The following RIPOR3 variants were observed in gnomAD, a reference collection of about 807,000 sequenced individuals.
RIPOR3 encodes the protein RIPOR family member 3, also known as family with sequence similarity 65 member C.
Under a neutral mutation model 114.3 loss-of-function variants are expected in RIPOR3, and 95 were observed. The ratio of observed to expected loss-of-function variants is 0.83; its 90% CI spans 0.70 to 0.99. The LOEUF is 0.99. RIPOR3 is among the 50% of genes least tolerant of loss of function. The probability of loss-of-function intolerance (pLI) is 0.00; values close to 1 mark genes in which losing one functional copy is unlikely to be tolerated. For synonymous variants in RIPOR3, 575 were observed against 543.8 expected (o/e 1.06, Z -0.80); for missense variants, 1,252 against 1,266.9 (o/e 0.99, Z 0.18).
chr20:50,659,831 T>G (rs1463851016), intron 1 of RIPOR3: 1 of 152,026 alleles, frequency 6.6e-6, no homozygotes, highest in African/African-American at 2.4e-5. Flanking sequence ...CTGACCTGTT[T>G]GTGACCCCTT....
intron 3 of RIPOR3, among the ~76,000 whole-genome samples, chr20:50,619,025 A>G (rs953038320): frequency 8.5e-5 from 13 of 152,182 alleles, no homozygotes; most frequent in Non-Finnish European, 1.9e-4. Flanking sequence ...AGCCTGGCCA[A>G]CGTGGTGAAA....
chr20:50,678,663 A>G (rs1411071685), intron 1 of RIPOR3, among the ~76,000 whole-genome samples: 1 of 152,204 alleles, frequency 6.6e-6, no homozygotes, highest in Non-Finnish European at 1.5e-5. Context: ...TGGCACAACC[A>G]CATACGACTC....
At chr20:50,655,115 G>A (rs982787536) in intron 1 of RIPOR3, among the ~76,000 whole-genome samples, 9 of 152,212 alleles carry the variant, frequency 5.9e-5, no homozygotes, top group East Asian at 1.9e-4. Context: ...CGAAGCTCCC[G>A]CTTTTTGAGG....
At chr20:50,626,573 C>G (rs988911157) in intron 2 of RIPOR3, among the ~76,000 whole-genome samples, 1 of 152,230 alleles carries the variant, frequency 6.6e-6, no homozygotes, top group Non-Finnish European at 1.5e-5. Flanking sequence ...CTGGGCAGAG[C>G]TCCCCTCTAG....
At chr20:50,664,889 G>C (rs1212114167) in intron 1 of RIPOR3, among the ~76,000 whole-genome samples, 2 of 151,820 alleles carry the variant, frequency 1.3e-5, no homozygotes, top group Non-Finnish European at 2.9e-5. Context: ...ATCACCTGAG[G>C]TTAGGAGTTT....
chr20:50,611,192 C>G lies in RIPOR3; in HGVS notation c.361G>C (p.Asp121His). ...RRNSRLAFYY[D>H]LDKQTRCVER... ...GTATGCAGACTCACCTTGTCCAGGT[C>G]ATAATAGAAAGCCTGTGAGGGAGGA... Residue 121 changes from aspartate to histidine, a missense_variant, in exon 5 of 22, where the codon GAC becomes CAC. Coordinates refer to ENST00000327979, the MANE Select transcript of RIPOR3 (RefSeq NM_001290268.2). 6.2e-7 allele frequency: 1 copy of G among 1,614,178 alleles called. No individual in the cohort carries two copies. Among genetic ancestry groups the G allele is most frequent in the Non-Finnish European group, 8.5e-7 (1 of 1,180,036 alleles).
chr20:50,667,451 G>A (rs138654563), intron 1 of RIPOR3, among the ~76,000 whole-genome samples: 1,545 of 151,976 alleles, frequency 0.01, 22 homozygotes, highest in African/African-American at 0.036. Context: ...CCGCCACAAC[G>A]CCCAGCTAAT....
intron 21 of RIPOR3, 139 bp downstream of exon 21, chr20:50,587,663 C>T (rs903700104): frequency 2.6e-6 from 2 of 772,204 alleles, no homozygotes; most frequent in East Asian, 2.7e-5. Context: ...GAGGTCGGCT[C>T]TGTGCCAGGG....
In RIPOR3 at chr20:50,597,798, G is replaced by C; in HGVS notation, c.1660-88C>G. ...GGCCAGGGGCCTCACGGCAGACTTG[G>C]GCAATGTCCCGGTCCCAAGCCCCAA... On this transcript the variant is annotated intron_variant, in intron 13 of 21. Transcript: ENST00000327979. 8 of 1,515,714 alleles carry C rather than the reference G, an allele frequency of 5.3e-6. No individual in the cohort carries two copies. The South Asian group carries it at 8.7e-5, about 17-fold the overall frequency. The allele number at this position is 1,515,714 out of a possible 1,614,324, so 93.9% of individuals were successfully genotyped here. A position where few individuals can be genotyped will look rare whatever the true frequency, so the allele number is the denominator to read the frequency against.
intron 1 of RIPOR3, among the ~76,000 whole-genome samples, chr20:50,678,444 T>C (rs6012991): frequency 0.82 from 124,994 of 152,088 alleles, 52,088 homozygotes; most frequent in East Asian, 0.96. Context: ...CAGGCCAGAG[T>C]TGGCCACATG....
chr20:50,666,225 T>TTCTTTTCTTTTC (rs1204716975), intron 1 of RIPOR3, among the ~76,000 whole-genome samples: 83 of 137,284 alleles, frequency 6.0e-4, no homozygotes, highest in Middle Eastern at 3.6e-3. Context: ...TTCTTTTCTT[T>TTCTTTTCTTTTC]TTTGAGACGG....
intron 1 of RIPOR3, among the ~76,000 whole-genome samples, chr20:50,662,724 T>C (rs2086038664): frequency 4.2e-4 from 1 of 2,394 alleles, no homozygotes; most frequent in African/African-American, 4.7e-4. Context: ...CACCACTCTC[T>C]GGCTGGTGAC....
chr20:50,608,928 G>A lies in RIPOR3; in HGVS notation c.668C>T (p.Pro223Leu), dbSNP rs541414975. The A allele has an allele frequency of 1.1e-5, 18 of 1,591,124 alleles. No individual in the cohort carries two copies. The East Asian group carries it at 4.1e-4, about 36-fold the overall frequency. The change falls in exon 9 of 22, where the codon CCC becomes CTC. Residue 223 changes from proline (P) to leucine (L), a missense_variant. By Grantham distance (98) the Pro-to-Leu change is moderately conservative. Transcript: ENST00000327979. The part of the protein sequence containing the change: ...KGLVGYARLC[P>L]GDHYEVLMRL... ...TGGCCGTACCTCATAGTGGTCTCCG[G>A]GACAGAGGCGTGCGTAGCCCACCAA... is the stretch of plus-strand genomic sequence containing the variant.
chr20:50,636,272 G>A (rs996724872), intron 1 of RIPOR3, among the ~76,000 whole-genome samples: 7 of 152,270 alleles, frequency 4.6e-5, no homozygotes, highest in Admixed American at 3.3e-4. Flanking sequence ...GACCAAGGGT[G>A]ACATTCCTGA....
At chr20:50,626,048 C>T (rs2123211020) in intron 2 of RIPOR3, among the ~76,000 whole-genome samples, 1 of 152,238 alleles carries the variant, frequency 6.6e-6, no homozygotes, top group East Asian at 1.9e-4. Flanking sequence ...GAGCCCTGCC[C>T]TCCTGCCAGG....
chr20:50,596,059 A>G (rs964101492), intron 15 of RIPOR3, 81 bp downstream of exon 15: 8 of 1,583,966 alleles, frequency 5.1e-6, no homozygotes, highest in African/African-American at 1.3e-5. Context: ...CATGCTTCCC[A>G]CCACCTTCAA....
intron 4 of RIPOR3, among the ~76,000 whole-genome samples, chr20:50,611,635 G>A (rs1423720889): frequency 2.6e-5 from 4 of 152,184 alleles, no homozygotes; most frequent in South Asian, 4.1e-4. Flanking sequence ...GGATGGAAGC[G>A]GGAGGGGCAC....
At chr20:50,593,335 G>T in intron 17 of RIPOR3, 139 bp from the exon 18 acceptor site, 1 of 857,064 alleles carries the variant, frequency 1.2e-6, no homozygotes, top group Non-Finnish European at 1.7e-6. Flanking sequence ...CACTTTGGGA[G>T]GCCAAGGTGG....
intron 1 of RIPOR3, among the ~76,000 whole-genome samples, chr20:50,652,749 C>T (rs944672842): frequency 5.3e-5 from 8 of 152,186 alleles, no homozygotes; most frequent in African/African-American, 1.7e-4. Context: ...GATACCACTG[C>T]ACATACACGA....
Sources: allele counts gnomAD v4.1 joint callset (sites outside exome capture counted in the v4.1 genomes callset), GRCh38; gene constraint gnomAD v4.1.1; transcripts MANE v1.5; gene names NCBI Gene and HGNC (gene_info 2026-07-23, HGNC 2026-07-21).